Variants in CADPS observed in about 807,000 individuals in gnomAD.
The protein encoded by CADPS is calcium-dependent secretion activator 1.
Under a neutral mutation model 167.3 loss-of-function variants are expected in CADPS, and 57 were observed. The observed-to-expected ratio is 0.34, with a 90% confidence interval of 0.28 to 0.42. The LOEUF is 0.42. Ranked by LOEUF, CADPS falls within the 20% of genes least tolerant of loss-of-function variation. CADPS has a pLI of 1.00. For synonymous variants in CADPS, 676 were observed against 635.3 expected (o/e 1.06, Z -0.96); for missense variants, 1,414 against 1,738.1 (o/e 0.81, Z 3.32).
intron 21 of CADPS, among the ~76,000 whole-genome samples, chr3:62,490,055 G>T (rs572805547): frequency 6.6e-6 from 1 of 152,120 alleles, no homozygotes; most frequent in Non-Finnish European, 1.5e-5. Flanking sequence ...TGGAAGGGGG[G>T]CAGAAAAGCC....
chr3:62,451,475 C>CA lies in CADPS; in HGVS notation c.3637-5679dup, dbSNP rs551655598. On this transcript the variant is annotated intron_variant, in intron 26 of 29. Transcript: ENST00000383710. The stretch of plus-strand genomic sequence containing the variant: ...TGATACTATTAAATCAATGCACAGA[C>CA]AAAAAAAAAAAGTGGATTAGGCCCT... Among the ~76,000 whole-genome samples, 624 of 136,658 alleles carry CA rather than the reference C, an allele frequency of 4.6e-3. 2 individuals carry two copies. The highest frequency in any genetic ancestry group is 0.011 in the Middle Eastern group (3 of 268). The allele number at this position is 136,658 out of a possible 152,430, so 89.7% of individuals were successfully genotyped here.
chr3:62,443,636 CT>C (rs2056735793), intron 27 of CADPS, among the ~76,000 whole-genome samples: 2 of 152,052 alleles, frequency 1.3e-5, no homozygotes, highest in Non-Finnish European at 2.9e-5. Context: ...TTTACGGGGG[CT>C]TTTTTCCTTT....
intron 13 of CADPS, among the ~76,000 whole-genome samples, chr3:62,531,463 A>T (rs2073669881): frequency 6.6e-6 from 1 of 152,224 alleles, no homozygotes; most frequent in Non-Finnish European, 1.5e-5. Flanking sequence ...TGCTATTGTT[A>T]TCTAGCTCTA....
chr3:62,510,572 A>G, intron 17 of CADPS, among the ~76,000 whole-genome samples: 1 of 152,156 alleles, frequency 6.6e-6, no homozygotes, highest in Admixed American at 6.6e-5. Flanking sequence ...CTGTAATTAA[A>G]TTGAACATTT....
intron 26 of CADPS, among the ~76,000 whole-genome samples, chr3:62,462,685 C>G (rs1471567337): frequency 1.3e-5 from 2 of 152,180 alleles, no homozygotes; most frequent in Non-Finnish European, 2.9e-5. Context: ...CTCTATGCCT[C>G]TGCACAGGGT....
At chr3:62,451,611 A>T (rs1383293822) in intron 26 of CADPS, among the ~76,000 whole-genome samples, 1 of 152,078 alleles carries the variant, frequency 6.6e-6, no homozygotes, top group Non-Finnish European at 1.5e-5. Flanking sequence ...CTCTCACAAA[A>T]AAAAAGGAAA....
At chr3:62,571,055 G>A (rs978789952) in intron 8 of CADPS, 117 bp from the exon 9 acceptor site, 23 of 731,600 alleles carry the variant, frequency 3.1e-5, no homozygotes, top group Middle Eastern at 2.4e-4. Flanking sequence ...GCTCAGGAAC[G>A]GGGCGCAGAT....
intron 23 of CADPS, among the ~76,000 whole-genome samples, chr3:62,475,457 T>C (rs1164634289): frequency 6.6e-6 from 1 of 151,984 alleles, no homozygotes; most frequent in African/African-American, 2.4e-5. Context: ...TTGTAGCAGT[T>C]TTCTAACAGT....
intron 5 of CADPS, among the ~76,000 whole-genome samples, chr3:62,648,895 T>C (rs1276933978): frequency 6.6e-6 from 1 of 152,008 alleles, no homozygotes; most frequent in Non-Finnish European, 1.5e-5. Flanking sequence ...AAAGAAAGTT[T>C]CTGTGAAATT....
intron 27 of CADPS, among the ~76,000 whole-genome samples, chr3:62,442,653 T>A (rs1374666801): frequency 6.6e-6 from 1 of 151,938 alleles, no homozygotes; most frequent in Non-Finnish European, 1.5e-5. Context: ...GAAGGCGGAG[T>A]TGGAGAGAGA....
At chr3:62,475,583 A>AG (rs1240657537) in intron 23 of CADPS, among the ~76,000 whole-genome samples, 3 of 124,848 alleles carry the variant, frequency 2.4e-5, no homozygotes, top group Non-Finnish European at 3.4e-5. Flanking sequence ...CCAGTTCTTA[A>AG]GAAAAAAAAA....
At chr3:62,413,678 G>A (rs746952982) in intron 28 of CADPS, among the ~76,000 whole-genome samples, 20 of 152,046 alleles carry the variant, frequency 1.3e-4, no homozygotes, top group African/African-American at 4.6e-4. Context: ...TCTACAGATC[G>A]GTTGCATAAC....
At chr3:62,868,193 A>G (rs922615498) in intron 1 of CADPS, among the ~76,000 whole-genome samples, 2 of 152,090 alleles carry the variant, frequency 1.3e-5, no homozygotes, top group African/African-American at 4.8e-5. Flanking sequence ...TGCAGTTGCC[A>G]AAGACAGGGA....
rs750450333 is a variant in CADPS at position 62,398,662 on chromosome 3, G to C, written c.*744C>G. 8.5e-5 allele frequency: 13 copies of C among 152,554 alleles called. No individual in the cohort carries two copies. Among genetic ancestry groups the C allele is most frequent in the Non-Finnish European group, 1.9e-4 (13 of 68,034 alleles). 9.5% of individuals were successfully genotyped at this position (152,554 alleles called of 1,614,324 possible). ...TCATTTTTTTTACATACACAGTTGA[G>C]ACGTAAAAGCAAAATAACATTTAAG... On this transcript the variant is annotated 3_prime_UTR_variant, in exon 30 of 30. Transcript: ENST00000383710.
intron 10 of CADPS, among the ~76,000 whole-genome samples, chr3:62,553,135 C>A (rs2077573542): frequency 6.6e-6 from 1 of 152,128 alleles, no homozygotes; most frequent in South Asian, 2.1e-4. Flanking sequence ...AATGCCAGGA[C>A]AAACACGATC....
rs769177137 is a variant in CADPS, at chr3:62,399,467, C to G, written c.4001G>C (p.Gly1334Ala). ...VEEATASVSE[G>A]GGLQGISMKD... The stretch of plus-strand genomic sequence containing the variant: ...CATGCTGATGCCCTGCAGTCCCCCA[C>G]CTTCACTCACTGATGCTGTGGCTTC... The change falls in exon 30 of 30, where the codon GGT becomes GCT. Residue 1334 changes from glycine (G) to alanine (A), a missense_variant. Gly to Ala is a moderately conservative substitution (Grantham distance 60). This residue lies in a region of CADPS where 185 missense variants were observed against 251.5 expected (regional missense o/e 0.74). Transcript: ENST00000383710. This position sits in a 1 kb window ranked among gnomAD's most constrained non-coding sequence, Gnocchi z 5.6. 1.2e-6 allele frequency: 2 copies of G among 1,614,058 alleles called. No homozygotes were observed. Among genetic ancestry groups the G allele is most frequent in the Admixed American group, 3.3e-5 (2 of 60,008 alleles).
chr3:62,826,289 CAGG>C (rs1225941751), intron 1 of CADPS, among the ~76,000 whole-genome samples: 7 of 152,080 alleles, frequency 4.6e-5, no homozygotes, highest in African/African-American at 1.7e-4. Context: ...CAGTAGAGAT[CAGG>C]AGATTATGTT....
At chr3:62,422,889 G>A (rs929431061) in intron 28 of CADPS, among the ~76,000 whole-genome samples, 1 of 152,182 alleles carries the variant, frequency 6.6e-6, no homozygotes, top group Non-Finnish European at 1.5e-5. Context: ...ACTGTGTCAA[G>A]CTTTGCTTAA....
chr3:62,543,051 C>T (rs59081911), intron 11 of CADPS, among the ~76,000 whole-genome samples: 80 of 152,146 alleles, frequency 5.3e-4, no homozygotes, highest in African/African-American at 1.7e-3. Flanking sequence ...ATATGTCTTA[C>T]GTAGTTAACA....
Sources: allele counts gnomAD v4.1 joint callset (sites outside exome capture counted in the v4.1 genomes callset), GRCh38; gene constraint gnomAD v4.1.1; regional missense constraint gnomAD v4.1.1; non-coding constraint Gnocchi (gnomAD v3.1); transcripts MANE v1.5; gene names NCBI Gene and HGNC (gene_info 2026-07-23, HGNC 2026-07-21).